The following TSPOAP1 variants were observed in gnomAD, a reference collection of about 807,000 sequenced individuals.
TSPOAP1 encodes TSPO associated protein 1.
Under a neutral mutation model 197.0 loss-of-function variants are expected in TSPOAP1, and 87 were observed. That is an observed-to-expected ratio of 0.44 (90% CI 0.37 to 0.53). The LOEUF is 0.53. Ranked by LOEUF, TSPOAP1 falls within the 20% of genes least tolerant of loss-of-function variation. The probability of loss-of-function intolerance (pLI) is 0.00; values close to 1 mark genes in which losing one functional copy is unlikely to be tolerated. For synonymous variants in TSPOAP1, 913 were observed against 998.9 expected, an observed-to-expected ratio of 0.91 and a Z score of 1.62; for missense variants, 2,174 against 2,411.3, an observed-to-expected ratio of 0.90 and a Z score of 2.06.
chr17:58,305,388 T>C lies in TSPOAP1; in HGVS notation c.5432A>G (p.Tyr1811Cys). The C allele has an allele frequency of 1.2e-6, 2 of 1,613,926 alleles. No individual in the cohort carries two copies. The highest frequency in any genetic ancestry group is 1.1e-5 in the South Asian group (1 of 91,088). Residue 1811 changes from tyrosine to cysteine, a missense_variant and splice_region_variant, in exon 29 of 32, where the codon TAT becomes TGT. By Grantham distance (194) the Tyr-to-Cys change is radical. This residue lies in a region of TSPOAP1 where 60 missense variants were observed against 56.2 expected (regional missense o/e 1.07). Coordinates refer to ENST00000343736, the MANE Select transcript of TSPOAP1 (RefSeq NM_004758.4). Reference sequence around the variant, plus strand: ...CACCCTCCCCAACAATGTTCTCACATAGTAGAAACCGTCATCGTCCATGCC... The same window carrying C: ...CACCCTCCCCAACAATGTTCTCACACAGTAGAAACCGTCATCGTCCATGCC... ...FGGMDDDGFY[Y>C]GELNGQRGLV...
chr17:58,322,176 G>C lies in TSPOAP1; in HGVS notation c.1422+132C>G. Reference sequence around the variant, plus strand: ...GATGCTAATTTGCTGACTGCTCAGGGACCTGGTCTTTGTTCCCCACAGTCT... The same window carrying C: ...GATGCTAATTTGCTGACTGCTCAGGCACCTGGTCTTTGTTCCCCACAGTCT... On this transcript the variant is annotated intron_variant, in intron 10 of 31. Transcript: ENST00000343736. This position sits in a 1 kb window ranked among gnomAD's most constrained non-coding sequence, Gnocchi z 5.0. The C allele has an allele frequency of 1.2e-6, 1 of 857,484 alleles. No homozygotes were observed. The highest frequency in any genetic ancestry group is 1.8e-6 in the Non-Finnish European group (1 of 548,994). The allele number at this position is 857,484 out of a possible 1,614,324, so 53.1% of individuals were successfully genotyped here. A position where few individuals can be genotyped will look rare whatever the true frequency, so the allele number is the denominator to read the frequency against.
At position 58,322,387 on chromosome 17, in the gene TSPOAP1, C is replaced by T. The variant is rs1321915578; in HGVS notation, c.1343G>A (p.Arg448Gln). The change falls in exon 10 of 32, where the codon CGG becomes CAG. Residue 448 changes from arginine (R) to glutamine (Q), a missense_variant. Arg to Gln is a conservative substitution (Grantham distance 43, BLOSUM62 1). Coordinates refer to ENST00000343736, the MANE Select transcript of TSPOAP1 (RefSeq NM_004758.4). This position sits in a 1 kb window ranked among gnomAD's most constrained non-coding sequence, Gnocchi z 5.0. Reference sequence around the variant, plus strand: ...TTCATGCTCCACCTCCAGCTGCTGCCGCCGCTGGGCCACCTCCCGCATGTG... The same window carrying T: ...TTCATGCTCCACCTCCAGCTGCTGCTGCCGCTGGGCCACCTCCCGCATGTG... ...LKHMREVAQR[R>Q]QQLEVEHEQA... 19 of 1,606,326 alleles carry T rather than the reference C, an allele frequency of 1.2e-5. No individual in the cohort carries two copies. Among genetic ancestry groups the T allele is most frequent in the East Asian group, 2.2e-5 (1 of 44,884 alleles).
chr17:58,312,697 G>A lies in TSPOAP1; in HGVS notation c.2124C>T (p.Gly708=). 2 of 1,613,380 alleles carry A rather than the reference G, an allele frequency of 1.2e-6. No individual in the cohort carries two copies. The highest frequency in any genetic ancestry group is 1.7e-6 in the Non-Finnish European group (2 of 1,179,960). ...FEGELMDGRR[G]LVPSNFVERV... The stretch of plus-strand genomic sequence containing the variant: ...GCTCTACAAAATTGGAAGGGACCAG[G>A]CCCCTTCGGCCATCCATGAGCTCTC... Residue 708 remains glycine, a synonymous_variant, in exon 17 of 32, where the codon GGC becomes GGT. Coordinates refer to ENST00000343736, the MANE Select transcript of TSPOAP1 (RefSeq NM_004758.4).
In TSPOAP1 at chr17:58,304,137, G is replaced by A. The variant is rs567126343; in HGVS notation, c.*32+201C>T. 224 of 570,406 alleles carry A rather than the reference G, an allele frequency of 3.9e-4. 4 individuals are homozygous for A. In the South Asian group the frequency reaches 4.3e-3, roughly 11 times the overall value. The allele number at this position is 570,406 out of a possible 1,614,324, so 35.3% of individuals were successfully genotyped here. A position where few individuals can be genotyped will look rare whatever the true frequency, so the allele number is the denominator to read the frequency against. On this transcript the variant is annotated intron_variant, in intron 31 of 31. Coordinates refer to ENST00000343736, the MANE Select transcript of TSPOAP1 (RefSeq NM_004758.4). The surrounding 1 kb of genome is among the most constrained non-coding windows in gnomAD (Gnocchi z 4.2). ...ATCCTATGACAGCTGGCACTGCCCT[G>A]GGTAAAGGCAAGGCAAGGGGAGCAG...
In TSPOAP1 at chr17:58,306,281, A is replaced by G. The variant is rs1970888204; in HGVS notation, c.5224+61T>C. Reference sequence around the variant, plus strand: ...CCTGAGAGAAAACAGACAGCCAAGCAGCGCCACCCCACCGCACACACATCC... The same window carrying G: ...CCTGAGAGAAAACAGACAGCCAAGCGGCGCCACCCCACCGCACACACATCC... On this transcript the variant is annotated intron_variant, in intron 26 of 31. Coordinates refer to ENST00000343736, the MANE Select transcript of TSPOAP1 (RefSeq NM_004758.4). 29 of 1,465,400 alleles carry G rather than the reference A, an allele frequency of 2.0e-5. No homozygotes were observed. The South Asian group carries it at 3.5e-4, about 18-fold the overall frequency. 90.8% of individuals were successfully genotyped at this position (1,465,400 alleles called of 1,614,324 possible).
At chr17:58,323,661 C>A (rs932197815) in intron 5 of TSPOAP1, 116 bp from the exon 6 acceptor site, 22 of 1,074,088 alleles carry the variant, frequency 2.0e-5, no homozygotes, top group Non-Finnish European at 3.0e-5. Context: ...AGCAAGAGAT[C>A]CCTGCCTAGC....
intron 14 of TSPOAP1, among the ~76,000 whole-genome samples, chr17:58,317,990 G>A (rs1389217304): frequency 1.3e-5 from 2 of 152,228 alleles, no homozygotes; most frequent in East Asian, 1.9e-4. Flanking sequence ...TGCAGATCCT[G>A]GTGCCCAAGT....
chr17:58,304,696 TG>T lies in TSPOAP1; in HGVS notation c.5545-298del, dbSNP rs1240153456. The T allele has an allele frequency of 5.3e-6, 3 of 568,964 alleles. No individual in the cohort carries two copies. The highest frequency in any genetic ancestry group is 9.5e-6 in the Non-Finnish European group (3 of 316,274). The allele number at this position is 568,964 out of a possible 1,614,324, so 35.2% of individuals were successfully genotyped here. ...GGCTTCCAAAGGCACCTGGGAGGTATGGAGACCACCCCCAGGGTGGGAGTGT... is the reference window on the plus strand; with the variant it reads ...GGCTTCCAAAGGCACCTGGGAGGTATGAGACCACCCCCAGGGTGGGAGTGT... On this transcript the variant is annotated intron_variant, in intron 30 of 31. Coordinates refer to ENST00000343736, the MANE Select transcript of TSPOAP1 (RefSeq NM_004758.4). The surrounding 1 kb of genome is among the most constrained non-coding windows in gnomAD (Gnocchi z 4.2).
In TSPOAP1 at chr17:58,327,923, T is replaced by C. The variant is rs766915013; in HGVS notation, c.-3A>G. 1 of 1,590,786 alleles carries C rather than the reference T, an allele frequency of 6.3e-7. No homozygotes were observed. The highest frequency in any genetic ancestry group is 2.3e-5 in the East Asian group (1 of 44,340). ...GGGAGGGTTGTCAGTTGCTCCATGG[T>C]ACTGCCAAGGGGCCCCAGAACCCGG... On this transcript the variant is annotated 5_prime_UTR_variant, in exon 1 of 32. Coordinates refer to ENST00000343736, the MANE Select transcript of TSPOAP1 (RefSeq NM_004758.4).
At chr17:58,325,090 T>C in intron 4 of TSPOAP1, 88 bp from the exon 5 acceptor site, 2 of 1,223,346 alleles carry the variant, frequency 1.6e-6, no homozygotes, top group East Asian at 2.6e-5. Flanking sequence ...TTCGCCTTGC[T>C]GGAGGGGCTC....
intron 22 of TSPOAP1, among the ~76,000 whole-genome samples, chr17:58,308,291 A>C (rs1265535004): frequency 2.0e-5 from 3 of 152,234 alleles, no homozygotes; most frequent in Non-Finnish European, 4.4e-5. Context: ...ATGCAGAGGA[A>C]AGGGCGACCC....
chr17:58,308,408 G>C, intron 22 of TSPOAP1, 133 bp downstream of exon 22: 1 of 1,338,600 alleles, frequency 7.5e-7, no homozygotes, highest in Non-Finnish European at 1.0e-6. Flanking sequence ...GGCAGGTGAG[G>C]GAGCCCGGAG....
At position 58,324,585 on chromosome 17, in the gene TSPOAP1, G is replaced by A. The variant is rs1971513133; in HGVS notation, c.942+226C>T. On this transcript the variant is annotated intron_variant, in intron 5 of 31. Transcript: ENST00000343736. This position sits in a 1 kb window ranked among gnomAD's most constrained non-coding sequence, Gnocchi z 5.8. ...CAGGCCCCGCTGGGCGCAGGCCTATGGAGGGCGGAACCCTGGAGCCCCCAG... is the reference window on the plus strand; with the variant it reads ...CAGGCCCCGCTGGGCGCAGGCCTATAGAGGGCGGAACCCTGGAGCCCCCAG... 6.6e-6 allele frequency among the ~76,000 whole-genome samples: 1 copy of A among 152,046 alleles called. No homozygotes were observed. The highest frequency in any genetic ancestry group is 2.4e-5 in the African/African-American group (1 of 41,422).
In TSPOAP1 at chr17:58,312,093, C is replaced by T. The variant is rs1475147735; in HGVS notation, c.2728G>A (p.Ala910Thr). The T allele has an allele frequency of 1.2e-6, 2 of 1,613,294 alleles. No homozygotes were observed. The change falls in exon 17 of 32, where the codon GCC becomes ACC. Residue 910 changes from alanine to threonine, a missense_variant. Transcript: ENST00000343736. The stretch of plus-strand genomic sequence containing the variant: ...TCCCCATTGAGGTAGATGGCATGGG[C>T]CAAGTTGCTATTGCCGGGCACCCAG... ...ITWVPGNSNL[A>T]HAIYLNGEEC...
intron 18 of TSPOAP1, 100 bp from the exon 19 acceptor site, chr17:58,311,313 C>A: frequency 6.7e-7 from 1 of 1,494,692 alleles, no homozygotes; most frequent in South Asian, 1.2e-5. Flanking sequence ...GCAGTGGCAG[C>A]TAGCATTACG....
intron 14 of TSPOAP1, among the ~76,000 whole-genome samples, 181 bp downstream of exon 14, chr17:58,318,099 C>G (rs1439959781): frequency 6.6e-6 from 1 of 152,180 alleles, no homozygotes; most frequent in African/African-American, 2.4e-5. Context: ...CAGTGGAGGG[C>G]AGGAAGGGCT....
rs772114369 is a variant in TSPOAP1, at chr17:58,311,133, C to T, written c.3162G>A (p.Glu1054=). Residue 1054 remains glutamate (E), a synonymous_variant, in exon 19 of 32, where the codon GAG becomes GAA. Transcript: ENST00000343736. ...GGGGCGACATGGTGCGCACGACCACCTCACGACACACCTGCAGCAGCTGCA... is the reference window on the plus strand; with the variant it reads ...GGGGCGACATGGTGCGCACGACCACTTCACGACACACCTGCAGCAGCTGCA... ...SQLQLLQVCR[E]VVVRTMSPHG... 1.1e-5 allele frequency: 17 copies of T among 1,607,796 alleles called. No homozygotes were observed. The highest frequency in any genetic ancestry group is 1.3e-5 in the African/African-American group (1 of 74,864).
In TSPOAP1 at chr17:58,326,460, C is replaced by T; in HGVS notation, c.442-39G>A. The stretch of plus-strand genomic sequence containing the variant: ...AGGCAGAATTGGGGCATGTAGGGAG[C>T]ACCCCACAGACCCAGTCCTAACAGC... On this transcript the variant is annotated intron_variant, in intron 2 of 31. Transcript: ENST00000343736. The surrounding 1 kb of genome is among the most constrained non-coding windows in gnomAD (Gnocchi z 4.7). 1 of 1,609,110 alleles carries T rather than the reference C, an allele frequency of 6.2e-7. No homozygotes were observed. The highest frequency in any genetic ancestry group is 1.7e-5 in the Admixed American group (1 of 59,722).
chr17:58,327,509 G>A lies in TSPOAP1; in HGVS notation c.333+79C>T, dbSNP rs774559057. 1.3e-4 allele frequency: 185 copies of A among 1,464,924 alleles called. 1 individual carries two copies. Among genetic ancestry groups the A allele is most frequent in the South Asian group, 4.3e-4 (34 of 78,980 alleles). The allele number at this position is 1,464,924 out of a possible 1,614,324, so 90.7% of individuals were successfully genotyped here. A position where few individuals can be genotyped will look rare whatever the true frequency, so the allele number is the denominator to read the frequency against. On this transcript the variant is annotated intron_variant, in intron 1 of 31. Transcript: ENST00000343736. ...GGTGGGCATTGGGGATGCATACCTC[G>A]CCTCACCTCCTGGCCAGGCTGGAGG...
Sources: gnomAD v4.1 joint callset for allele counts (sites outside exome capture counted in the v4.1 genomes callset) on GRCh38, gnomAD v4.1.1 for gene constraint, gnomAD v4.1.1 regional missense constraint, Gnocchi (gnomAD v3.1) non-coding constraint, MANE v1.5 for transcripts, NCBI Gene and HGNC (gene_info 2026-07-23, HGNC 2026-07-21) for gene names.